ARB2A: variants seen among roughly 807,000 people sequenced by gnomAD.
ARB2A encodes cotranscriptional regulator ARB2A.
At chr5:93,821,450 A>T in the ARB2A span, among the ~76,000 whole-genome samples, 7 of 152,270 alleles carry the variant, frequency 4.6e-5, no homozygotes, top group East Asian at 1.4e-3. Context: ...ATAATTTAAG[A>T]TTTACATATT....
the ARB2A span, among the ~76,000 whole-genome samples, chr5:93,900,617 A>G: frequency 1.3e-5 from 2 of 151,278 alleles, no homozygotes; most frequent in African/African-American, 4.8e-5. Context: ...CTGTCTCAAA[A>G]AAAAAAAAAA....
the ARB2A span, among the ~76,000 whole-genome samples, chr5:93,828,569 G>A: frequency 6.6e-6 from 1 of 152,012 alleles, no homozygotes; most frequent in Non-Finnish European, 1.5e-5. Context: ...TTCACAAGTG[G>A]ATGACCACAA....
the ARB2A span, among the ~76,000 whole-genome samples, chr5:93,774,100 T>C: frequency 2.0e-5 from 3 of 152,294 alleles, no homozygotes; most frequent in Middle Eastern, 3.4e-3. Context: ...TGAATGTTAC[T>C]ACTGTAATTG....
At chr5:93,904,826 A>G in the ARB2A span, among the ~76,000 whole-genome samples, 1 of 151,820 alleles carries the variant, frequency 6.6e-6, no homozygotes, top group Middle Eastern at 3.4e-3. Context: ...ATCTCTGGAT[A>G]TTAAGAGGAA....
chr5:93,747,710 C>T, the ARB2A span, among the ~76,000 whole-genome samples: 3 of 152,032 alleles, frequency 2.0e-5, no homozygotes, highest in Non-Finnish European at 2.9e-5. Context: ...TAGTCCATTC[C>T]TCAAGCTCCC....
the ARB2A span, among the ~76,000 whole-genome samples, chr5:93,807,507 A>G: frequency 6.6e-6 from 1 of 152,024 alleles, no homozygotes; most frequent in Non-Finnish European, 1.5e-5. Flanking sequence ...AGTGAAACTA[A>G]TCAAACTCCT....
the ARB2A span, among the ~76,000 whole-genome samples, chr5:93,841,593 T>C: frequency 1.3e-5 from 2 of 152,190 alleles, no homozygotes; most frequent in African/African-American, 4.8e-5. Context: ...TTAGGTACCA[T>C]TATTGTCCCC....
chr5:93,982,657 A>C, the ARB2A span, among the ~76,000 whole-genome samples: 1 of 152,220 alleles, frequency 6.6e-6, no homozygotes, highest in Admixed American at 6.5e-5. Flanking sequence ...CATCTAGGCT[A>C]CATGGTATAG....
At chr5:93,642,560 A>C in the ARB2A span, among the ~76,000 whole-genome samples, 1 of 152,058 alleles carries the variant, frequency 6.6e-6, no homozygotes. Flanking sequence ...TTTTGTAGAG[A>C]CAGGTTTTTG....
At chr5:93,947,264 T>C in the ARB2A span, among the ~76,000 whole-genome samples, 1 of 152,134 alleles carries the variant, frequency 6.6e-6, no homozygotes, top group South Asian at 2.1e-4. Context: ...TTTATATTAA[T>C]CACAGTGTTT....
the ARB2A span, among the ~76,000 whole-genome samples, chr5:93,652,280 T>C: frequency 1.1e-4 from 16 of 152,206 alleles, no homozygotes; most frequent in Admixed American, 2.6e-4. Flanking sequence ...AGTAGTTCTT[T>C]CCATCATTGG....
At chr5:93,776,212 G>A in the ARB2A span, 1 of 1,611,832 alleles carries the variant, frequency 6.2e-7, no homozygotes, top group Non-Finnish European at 8.5e-7. Context: ...TGTGTCTAAT[G>A]GTTCTGAGCT....
At chr5:93,961,719 A>G in the ARB2A span, among the ~76,000 whole-genome samples, 2 of 151,494 alleles carry the variant, frequency 1.3e-5, no homozygotes, top group Non-Finnish European at 2.9e-5. Context: ...ATCACATTTT[A>G]AAAAAAAACA....
chr5:93,881,450 A>G, the ARB2A span: 50 of 1,562,400 alleles, frequency 3.2e-5, no homozygotes, highest in Non-Finnish European at 3.6e-5. Flanking sequence ...ATAGTAAAGG[A>G]AAGTAGTGAT....
the ARB2A span, among the ~76,000 whole-genome samples, chr5:93,638,763 A>G: frequency 6.6e-6 from 1 of 152,220 alleles, no homozygotes; most frequent in South Asian, 2.1e-4. Flanking sequence ...TGGGAGGCAG[A>G]TGGTGCGATG....
chr5:93,930,457 T>C, the ARB2A span, among the ~76,000 whole-genome samples: 1 of 152,204 alleles, frequency 6.6e-6, no homozygotes, highest in African/African-American at 2.4e-5. Context: ...TCAATTCTTA[T>C]ATGGTAAAGA....
chr5:93,796,534 T>C, the ARB2A span, among the ~76,000 whole-genome samples: 2 of 152,188 alleles, frequency 1.3e-5, no homozygotes, highest in South Asian at 2.1e-4. Flanking sequence ...TTATAATAAG[T>C]ATAAGTCACA....
chr5:93,942,463 T>C, the ARB2A span, among the ~76,000 whole-genome samples: 3 of 152,192 alleles, frequency 2.0e-5, no homozygotes, highest in South Asian at 4.1e-4. Flanking sequence ...GAAAAAAATT[T>C]GTGTTTATTA....
At chr5:93,690,547 G>C in the ARB2A span, among the ~76,000 whole-genome samples, 1,073 of 152,280 alleles carry the variant, frequency 7.0e-3, 11 homozygotes, top group African/African-American at 0.025. Context: ...AAAGGCAGCA[G>C]CCCCAGTCAG....
Sources: gnomAD v4.1 joint callset for allele counts (sites outside exome capture counted in the v4.1 genomes callset) on GRCh38, gnomAD v4.1.1 for gene constraint, MANE v1.5 for transcripts, NCBI Gene and HGNC (gene_info 2026-07-23, HGNC 2026-07-21) for gene names.